The following THSD4 variants were observed in gnomAD, a reference collection of about 807,000 sequenced individuals.
THSD4 encodes thrombospondin type 1 domain containing 4, also known as thrombospondin type-1 domain-containing protein 4.
THSD4 carries 69 observed loss-of-function variants against 119.0 expected under a neutral mutation model. The observed-to-expected ratio is 0.58, with a 90% confidence interval of 0.48 to 0.71. The LOEUF is 0.71. Among genes scored for constraint, THSD4 ranks in the 30% least tolerant of loss-of-function variants. The pLI, the probability that THSD4 is intolerant of heterozygous loss-of-function variation, is 0.00. For missense variants in THSD4, 1,393 were observed against 1,391.1 expected, an observed-to-expected ratio of 1.00 and a Z score of -0.02; for synonymous variants, 524 against 540.4, an observed-to-expected ratio of 0.97 and a Z score of 0.42.
chr15:71,377,466 G>C (rs1411368613), intron 6 of THSD4, among the ~76,000 whole-genome samples: 1 of 152,004 alleles, frequency 6.6e-6, no homozygotes, highest in Non-Finnish European at 1.5e-5. Flanking sequence ...TCTGCATCGG[G>C]GTGGAGAAAA....
intron 7 of THSD4, among the ~76,000 whole-genome samples, chr15:71,421,384 G>T (rs527303721): frequency 2.0e-5 from 3 of 151,980 alleles, no homozygotes; most frequent in Non-Finnish European, 4.4e-5. Flanking sequence ...GCTTTTGTTT[G>T]TCTGGGTAAG....
At chr15:71,454,550 T>G (rs1425724797) in intron 7 of THSD4, among the ~76,000 whole-genome samples, 1 of 152,188 alleles carries the variant, frequency 6.6e-6, no homozygotes, top group Non-Finnish European at 1.5e-5. Flanking sequence ...TACTCTAATT[T>G]ATAGTTAACG....
intron 7 of THSD4, among the ~76,000 whole-genome samples, chr15:71,482,017 TG>T (rs768643615): frequency 1.3e-5 from 2 of 152,132 alleles, no homozygotes; most frequent in South Asian, 4.2e-4. Flanking sequence ...TTAGAAAACA[TG>T]GGGTAAAAAA....
In THSD4 at chr15:71,143,700, C is replaced by CTT. The variant is rs546375502; in HGVS notation, c.29+2162_29+2163dup. Among the ~76,000 whole-genome samples the CTT allele has an allele frequency of 2.2e-3, 222 of 100,726 alleles. 3 individuals are homozygous for CTT. Among genetic ancestry groups the CTT allele is most frequent in the African/African-American group, 7.0e-3 (198 of 28,264 alleles). The allele number at this position is 100,726 out of a possible 152,430, so 66.1% of individuals were successfully genotyped here. Reference sequence around the variant, plus strand: ...TTTTTTCTTTCTTTTTTTTTTCTTTCTTTTTTTTTTTTTTTTTTTCAAAAG... The same window carrying CTT: ...TTTTTTCTTTCTTTTTTTTTTCTTTCTTTTTTTTTTTTTTTTTTTTTCAAAAG... On this transcript the variant is annotated intron_variant, in intron 2 of 17. Transcript: ENST00000261862.
intron 6 of THSD4, among the ~76,000 whole-genome samples, chr15:71,331,531 G>A (rs2045421130): frequency 6.6e-6 from 1 of 152,170 alleles, no homozygotes; most frequent in Non-Finnish European, 1.5e-5. Flanking sequence ...CATGGGGCGG[G>A]GTGAGCTGCA....
At chr15:71,649,376 C>T (rs967349181) in intron 7 of THSD4, among the ~76,000 whole-genome samples, 20 of 152,256 alleles carry the variant, frequency 1.3e-4, no homozygotes, top group African/African-American at 4.3e-4. Flanking sequence ...TGGGGTCAAG[C>T]CATTCTCCTG....
intron 6 of THSD4, among the ~76,000 whole-genome samples, chr15:71,299,109 A>C (rs1442442374): frequency 6.6e-6 from 1 of 152,226 alleles, no homozygotes; most frequent in Non-Finnish European, 1.5e-5. Flanking sequence ...ATGACCATTA[A>C]AAGAGGCGGG....
At chr15:71,458,090 T>C (rs2047365849) in intron 7 of THSD4, among the ~76,000 whole-genome samples, 1 of 152,226 alleles carries the variant, frequency 6.6e-6, no homozygotes, top group Non-Finnish European at 1.5e-5. Context: ...TTATAATCTA[T>C]ATGCATTGCA....
chr15:71,415,718 A>G (rs566099089), intron 7 of THSD4, among the ~76,000 whole-genome samples: 1 of 152,110 alleles, frequency 6.6e-6, no homozygotes, highest in South Asian at 2.1e-4. Context: ...AACCATCATT[A>G]TCCTCTCTAT....
At chr15:71,243,158 G>T (rs1342649314) in intron 5 of THSD4, 62 bp downstream of exon 5, 2 of 1,519,636 alleles carry the variant, frequency 1.3e-6, no homozygotes, top group Non-Finnish European at 1.8e-6. Context: ...CTGTCATTTG[G>T]CACTAAGCAT....
intron 8 of THSD4, among the ~76,000 whole-genome samples, chr15:71,663,279 A>G (rs1490680603): frequency 6.6e-6 from 1 of 152,094 alleles, no homozygotes; most frequent in Non-Finnish European, 1.5e-5. Context: ...AAAAAAGTCA[A>G]TGGAGAGGTG....
intron 3 of THSD4, among the ~76,000 whole-genome samples, chr15:71,189,266 A>C (rs2043645985): frequency 6.6e-6 from 1 of 152,168 alleles, no homozygotes; most frequent in African/African-American, 2.4e-5. Context: ...GAATAGTTTG[A>C]TTATTTCTAG....
chr15:71,644,648 G>A (rs1212723521), intron 7 of THSD4, among the ~76,000 whole-genome samples: 1 of 152,094 alleles, frequency 6.6e-6, no homozygotes, highest in African/African-American at 2.4e-5. Context: ...TGCTGACTTT[G>A]AGTCACAGCA....
At chr15:71,353,538 C>G (rs2045770804) in intron 6 of THSD4, among the ~76,000 whole-genome samples, 2 of 152,174 alleles carry the variant, frequency 1.3e-5, no homozygotes, top group Admixed American at 1.3e-4. Context: ...AGGTCCCTGA[C>G]CCAGAAGGAG....
intron 11 of THSD4, among the ~76,000 whole-genome samples, chr15:71,741,285 G>A (rs989467663): frequency 6.6e-6 from 1 of 152,134 alleles, no homozygotes; most frequent in Non-Finnish European, 1.5e-5. Flanking sequence ...GAGGTCAGGA[G>A]TTCAAGAGCA....
intron 3 of THSD4, chr15:71,187,502 C>A (rs1353143539): frequency 6.6e-6 from 1 of 152,588 alleles, no homozygotes. Flanking sequence ...AACTTGGTGG[C>A]CAAATGCTGT....
At chr15:71,189,856 G>A (rs924098977) in intron 3 of THSD4, among the ~76,000 whole-genome samples, 4 of 152,156 alleles carry the variant, frequency 2.6e-5, no homozygotes, top group Non-Finnish European at 5.9e-5. Flanking sequence ...GTCTGATGCA[G>A]GAGGCCTCTG....
At chr15:71,298,151 T>A (rs72759685) in intron 6 of THSD4, among the ~76,000 whole-genome samples, 21,816 of 152,174 alleles carry the variant, frequency 0.14, 1,616 homozygotes, top group South Asian at 0.27. Context: ...CTAACTTCAT[T>A]TTTTGGAGGG....
intron 7 of THSD4, among the ~76,000 whole-genome samples, chr15:71,610,900 G>C (rs1460843641): frequency 6.6e-6 from 1 of 152,168 alleles, no homozygotes; most frequent in East Asian, 1.9e-4. Context: ...GATGTATGTA[G>C]ATATCCACAT....
Sources: gnomAD v4.1 joint callset for allele counts (sites outside exome capture counted in the v4.1 genomes callset) on GRCh38, gnomAD v4.1.1 for gene constraint, MANE v1.5 for transcripts, NCBI Gene and HGNC (gene_info 2026-07-23, HGNC 2026-07-21) for gene names.